NSUN6: variants seen among roughly 807,000 people sequenced by gnomAD.
NSUN6 encodes NOP2/Sun RNA methyltransferase 6.
In NSUN6, 64 loss-of-function variants were observed where a neutral mutation model predicts 58.0. That is an observed-to-expected ratio of 1.10 (90% CI 0.90 to 1.36). The LOEUF (loss-of-function observed/expected upper bound fraction) is 1.36, where lower values mean the gene tolerates loss of function less well. Ranked by LOEUF, NSUN6 falls within the 40% of genes most tolerant of loss-of-function variation. The pLI is 0.00. For missense variants in NSUN6, 701 were observed against 550.1 expected (o/e 1.27, Z -2.74); for synonymous variants, 231 against 193.9 (o/e 1.19, Z -1.59).
At chr10:18,556,679 T>G (rs1395576214) in intron 8 of NSUN6, among the ~76,000 whole-genome samples, 1 of 145,364 alleles carries the variant, frequency 6.9e-6, no homozygotes, top group Admixed American at 6.9e-5. Context: ...GAATGGGGAA[T>G]TGAAATGCGA....
rs189928297 is a variant in NSUN6 at position 18,583,027 on chromosome 10, C to T, written c.922+2922G>A. Among the ~76,000 whole-genome samples the T allele has an allele frequency of 1.1e-4, 16 of 152,246 alleles. No homozygotes were observed. The East Asian group carries it at 2.9e-3, about 28-fold the overall frequency. On this transcript the variant is annotated intron_variant, in intron 8 of 10. Coordinates refer to ENST00000377304, the MANE Select transcript of NSUN6 (RefSeq NM_182543.5). ...TACACATCCAGATAGCCTGCAGGAG[C>T]CAAGAAGTCTGGAGCAGTCAAAGAA...
chr10:18,601,660 G>A (rs532045106), intron 6 of NSUN6, among the ~76,000 whole-genome samples: 1 of 152,252 alleles, frequency 6.6e-6, no homozygotes, highest in African/African-American at 2.4e-5. Flanking sequence ...CAAACCAGCT[G>A]GATTAGCAGT....
intron 2 of NSUN6, among the ~76,000 whole-genome samples, chr10:18,643,418 A>G (rs16917589): frequency 0.028 from 4,291 of 152,166 alleles, 197 homozygotes; most frequent in African/African-American, 0.097. Flanking sequence ...ATACTACATA[A>G]AAGACCAATC....
intron 8 of NSUN6, among the ~76,000 whole-genome samples, chr10:18,577,396 T>C (rs1320489321): frequency 6.6e-6 from 1 of 152,160 alleles, no homozygotes; most frequent in Non-Finnish European, 1.5e-5. Context: ...TGGAAAGGAA[T>C]AATAGCCTCA....
intron 8 of NSUN6, among the ~76,000 whole-genome samples, 162 bp from the exon 9 acceptor site, chr10:18,552,133 A>C (rs2054644026): frequency 6.6e-6 from 1 of 151,762 alleles, no homozygotes. Context: ...ACTTATACCT[A>C]ATACAGATTT....
chr10:18,633,769 C>G lies in NSUN6; in HGVS notation c.311+8707G>C, dbSNP rs180686484. Among the ~76,000 whole-genome samples the G allele has an allele frequency of 1.4e-4, 21 of 152,252 alleles. No homozygotes were observed. In the East Asian group the frequency reaches 3.7e-3, roughly 27 times the overall value. ...GTTTTCTCTAACAAACCTGGATCAA[C>G]TATCTAAAAGCAGCCCAAGAAAAGA... On this transcript the variant is annotated intron_variant, in intron 3 of 10. Transcript: ENST00000377304.
chr10:18,566,876 A>C (rs1051021860), intron 8 of NSUN6, among the ~76,000 whole-genome samples: 1 of 138,946 alleles, frequency 7.2e-6, no homozygotes, highest in African/African-American at 2.7e-5. Flanking sequence ...CATTCCATTC[A>C]TTCCATTCTC....
chr10:18,560,924 G>A (rs1234154283), intron 8 of NSUN6, among the ~76,000 whole-genome samples: 2 of 150,036 alleles, frequency 1.3e-5, no homozygotes, highest in African/African-American at 4.9e-5. Flanking sequence ...ATGGAATGGA[G>A]CATAGAATGG....
intron 5 of NSUN6, among the ~76,000 whole-genome samples, chr10:18,612,117 T>C (rs2058258703): frequency 6.6e-6 from 1 of 152,130 alleles, no homozygotes; most frequent in Non-Finnish European, 1.5e-5. Context: ...TGTCACTGAC[T>C]CACATTTGAA....
Position 18,622,677 on chromosome 10 carries a change from C to G in NSUN6, c.312-6384G>C, listed in dbSNP as rs575527511. On this transcript the variant is annotated intron_variant, in intron 3 of 10. Coordinates refer to ENST00000377304, the MANE Select transcript of NSUN6 (RefSeq NM_182543.5). ...TGAGCAGAGATCGTGCCATTGCACT[C>G]TAGCCTGGGCAACAAGAGCAAGACT... is the stretch of plus-strand genomic sequence containing the variant. Among the ~76,000 whole-genome samples the G allele has an allele frequency of 1.4e-3, 206 of 152,284 alleles. 1 individual carries two copies. The highest frequency in any genetic ancestry group is 4.9e-3 in the African/African-American group (202 of 41,568).
intron 8 of NSUN6, among the ~76,000 whole-genome samples, chr10:18,585,626 G>C (rs2057096367): frequency 6.6e-6 from 1 of 152,164 alleles, no homozygotes; most frequent in South Asian, 2.1e-4. Context: ...AGAAAGAATA[G>C]TGGTTACCAG....
chr10:18,570,448 C>T (rs2056280444), intron 8 of NSUN6, among the ~76,000 whole-genome samples: 1 of 151,124 alleles, frequency 6.6e-6, no homozygotes, highest in African/African-American at 2.4e-5. Flanking sequence ...ATTCCATTCT[C>T]CATTCCATTC....
chr10:18,555,247 T>C (rs1235677374), intron 8 of NSUN6, among the ~76,000 whole-genome samples: 6 of 135,852 alleles, frequency 4.4e-5, no homozygotes, highest in South Asian at 4.7e-4. Flanking sequence ...GTGGAGAGTA[T>C]AGAGGAAAGT....
chr10:18,546,093 T>C lies in NSUN6; in HGVS notation c.1250A>G (p.Gln417Arg), dbSNP rs750310507. The C allele has an allele frequency of 6.2e-7, 1 of 1,611,854 alleles. No individual in the cohort carries two copies. The highest frequency in any genetic ancestry group is 1.3e-5 in the African/African-American group (1 of 74,922). ...ATCAAATCGCTGCAGCTGTTTCAAC[T>C]GTTCACATGAGAGCCCAGCTCCCCT... Reference protein sequence around the residue: ...GMRGAGLSCEQLKQLQRFDPS... With the variant: ...GMRGAGLSCERLKQLQRFDPS... The change falls in exon 11 of 11, where the codon CAG becomes CGG. Residue 417 changes from glutamine to arginine, a missense_variant. Coordinates refer to ENST00000377304, the MANE Select transcript of NSUN6 (RefSeq NM_182543.5).
chr10:18,652,493 A>G, upstream of NSUN6: 1 of 983,250 alleles, frequency 1.0e-6, no homozygotes, highest in Non-Finnish European at 1.2e-6. Context: ...CCAACTCTTT[A>G]CCAGAAAGAG....
rs116566852 is a variant in NSUN6, at chr10:18,595,045, C to T, written c.777+1163G>A. On this transcript the variant is annotated intron_variant, in intron 7 of 10. Coordinates refer to ENST00000377304, the MANE Select transcript of NSUN6 (RefSeq NM_182543.5). ...CCCAATCAGGGGAGAACTTACACATCGGCCAGAGGCAGGGCATCCCTGTCA... is the reference window on the plus strand; with the variant it reads ...CCCAATCAGGGGAGAACTTACACATTGGCCAGAGGCAGGGCATCCCTGTCA... 8.3e-3 allele frequency among the ~76,000 whole-genome samples: 1,263 copies of T among 152,282 alleles called. 14 individuals carry two copies. Among genetic ancestry groups the T allele is most frequent in the South Asian group, 0.034 (164 of 4,820 alleles).
chr10:18,545,916 G>T lies in NSUN6; in HGVS notation c.*17C>A. 3 of 1,239,452 alleles carry T rather than the reference G, an allele frequency of 2.4e-6. No individual in the cohort carries two copies. The highest frequency in any genetic ancestry group is 3.5e-6 in the Non-Finnish European group (3 of 864,894). 76.8% of individuals were successfully genotyped at this position (1,239,452 alleles called of 1,614,324 possible). On this transcript the variant is annotated 3_prime_UTR_variant, in exon 11 of 11. Coordinates refer to ENST00000377304, the MANE Select transcript of NSUN6 (RefSeq NM_182543.5). ...GCAAATGTTTGGAATTTTCATTTCT[G>T]AGCATCCATCCCTCTCCTATGTGCT...
intron 8 of NSUN6, among the ~76,000 whole-genome samples, chr10:18,563,763 T>C (rs192995416): frequency 6.6e-6 from 1 of 150,632 alleles, no homozygotes; most frequent in Non-Finnish European, 1.5e-5. Context: ...ACCATTCCAT[T>C]CTCCATTCCA....
At chr10:18,616,314 A>G (rs1332536000) in intron 3 of NSUN6, 21 bp from the exon 4 acceptor site, 2 of 1,447,844 alleles carry the variant, frequency 1.4e-6, no homozygotes, top group Non-Finnish European at 1.9e-6. Flanking sequence ...AAGACACAAG[A>G]AGTTTAATAG....
Sources: allele counts gnomAD v4.1 joint callset (sites outside exome capture counted in the v4.1 genomes callset), GRCh38; gene constraint gnomAD v4.1.1; transcripts MANE v1.5; gene names NCBI Gene and HGNC (gene_info 2026-07-23, HGNC 2026-07-21).